The following XRCC4 variants were observed in gnomAD, a reference collection of about 807,000 sequenced individuals.
XRCC4 encodes DNA repair protein XRCC4.
A neutral mutation model predicts 39.1 loss-of-function variants in XRCC4; 28 were observed. The observed-to-expected ratio is 0.72, with a 90% CI of 0.53 to 0.98. The LOEUF (loss-of-function observed/expected upper bound fraction) is 0.98, where lower values mean the gene tolerates loss of function less well. Among genes scored for constraint, XRCC4 ranks in the 50% least tolerant of loss-of-function variants. The probability of loss-of-function intolerance (pLI) is 0.00; values close to 1 mark genes in which losing one functional copy is unlikely to be tolerated. For missense variants in XRCC4, 350 were observed against 376.4 expected (o/e 0.93, Z 0.58); for synonymous variants, 123 against 126.4 (o/e 0.97, Z 0.18).
At chr5:83,157,599 C>T (rs1258874242) in intron 3 of XRCC4, among the ~76,000 whole-genome samples, 1 of 151,882 alleles carries the variant, frequency 6.6e-6, no homozygotes, top group African/African-American at 2.4e-5. Flanking sequence ...AAGAGGCTTG[C>T]ATCAGTAAAG....
At chr5:83,363,387 G>A in the XRCC4 span, among the ~76,000 whole-genome samples, 2 of 152,204 alleles carry the variant, frequency 1.3e-5, no homozygotes, top group South Asian at 4.1e-4. Flanking sequence ...ATTTTAACCT[G>A]AATAAGCATC....
At chr5:83,368,842 G>T in the XRCC4 span, among the ~76,000 whole-genome samples, 1 of 152,152 alleles carries the variant, frequency 6.6e-6, no homozygotes, top group Admixed American at 6.5e-5. Context: ...GACAAGGCAG[G>T]CTGTGTTAGT....
chr5:83,167,623 A>G (rs1464773008), intron 3 of XRCC4, among the ~76,000 whole-genome samples: 1 of 152,090 alleles, frequency 6.6e-6, no homozygotes, highest in Non-Finnish European at 1.5e-5. Flanking sequence ...GAAATTAGGG[A>G]TGGGTTTGGT....
chr5:83,353,222 G>T lies in XRCC4; in HGVS notation c.985G>T (p.Asp329Tyr). 4 of 1,609,990 alleles carry T rather than the reference G, an allele frequency of 2.5e-6. No individual in the cohort carries two copies. The highest frequency in any genetic ancestry group is 3.4e-6 in the Non-Finnish European group (4 of 1,178,128). ...LETLRNSSPE[D>Y]LFDEI is the part of the protein sequence containing the mutation. ...AACTCTGAGAAACAGCAGCCCAGAA[G>T]ACCTCTTTGATGAGATTTAACAGTC... The change falls in exon 8 of 8, where the codon GAC (aspartate) becomes TAC (tyrosine). Residue 329 changes from aspartate (D) to tyrosine (Y), a missense_variant. Physicochemically the swap from Asp to Tyr is radical, Grantham distance 160 (BLOSUM62 -3). Coordinates refer to ENST00000396027, the MANE Select transcript of XRCC4 (RefSeq NM_003401.5).
chr5:83,101,799 G>A (rs1355043154), intron 1 of XRCC4, among the ~76,000 whole-genome samples: 1 of 152,086 alleles, frequency 6.6e-6, no homozygotes, highest in African/African-American at 2.4e-5. Context: ...TAATAAACAT[G>A]TTGGGTCACA....
chr5:83,146,327 A>G (rs541469807), intron 3 of XRCC4, among the ~76,000 whole-genome samples: 76 of 152,312 alleles, frequency 5.0e-4, no homozygotes, highest in Non-Finnish European at 2.9e-4. Flanking sequence ...TTCAAACTGA[A>G]TTGGAAAAGT....
At chr5:83,147,046 G>A (rs1402427653) in intron 3 of XRCC4, among the ~76,000 whole-genome samples, 1 of 152,196 alleles carries the variant, frequency 6.6e-6, no homozygotes, top group Admixed American at 6.5e-5. Flanking sequence ...CACTCGTTCT[G>A]TGGCCTTTGA....
intron 6 of XRCC4, among the ~76,000 whole-genome samples, chr5:83,254,494 A>G (rs1753452932): frequency 6.6e-6 from 1 of 152,154 alleles, no homozygotes; most frequent in South Asian, 2.1e-4. Flanking sequence ...ATACGAATTG[A>G]TTTTTTTAAC....
At chr5:83,105,367 C>T (rs1307701476) in intron 2 of XRCC4, among the ~76,000 whole-genome samples, 1 of 152,078 alleles carries the variant, frequency 6.6e-6, no homozygotes, top group Non-Finnish European at 1.5e-5. Flanking sequence ...TTTCTCAGGA[C>T]CCCAGGGAAG....
chr5:83,214,071 G>A (rs545617280), intron 6 of XRCC4, among the ~76,000 whole-genome samples: 1 of 152,150 alleles, frequency 6.6e-6, no homozygotes, highest in South Asian at 2.1e-4. Flanking sequence ...CCTAATAAAG[G>A]CATCTAGGCA....
intron 3 of XRCC4, among the ~76,000 whole-genome samples, chr5:83,113,627 T>TA (rs1561334976): frequency 6.6e-6 from 1 of 151,700 alleles, no homozygotes. Context: ...TTCTTTCTTT[T>TA]TTTTTTTTTT....
intron 6 of XRCC4, among the ~76,000 whole-genome samples, chr5:83,242,776 T>G (rs564829398): frequency 2.6e-5 from 4 of 152,206 alleles, no homozygotes; most frequent in Non-Finnish European, 5.9e-5. Flanking sequence ...TCCTTTGTAA[T>G]AGCTAGCACT....
intron 3 of XRCC4, among the ~76,000 whole-genome samples, chr5:83,131,295 T>A (rs529194362): frequency 1.1e-4 from 17 of 152,198 alleles, no homozygotes; most frequent in African/African-American, 4.1e-4. Flanking sequence ...AGTTTCTTAA[T>A]CCTGAGTTCT....
the XRCC4 span, among the ~76,000 whole-genome samples, chr5:83,372,063 G>C: frequency 6.6e-6 from 1 of 152,184 alleles, no homozygotes; most frequent in Non-Finnish European, 1.5e-5. Context: ...AAGGGAAACA[G>C]CTGGCACTGG....
intron 3 of XRCC4, among the ~76,000 whole-genome samples, chr5:83,151,625 T>C (rs974165080): frequency 2.0e-5 from 3 of 152,146 alleles, no homozygotes; most frequent in African/African-American, 7.2e-5. Flanking sequence ...CATAATATAA[T>C]AGCCATATTG....
At chr5:83,124,162 T>C (rs190586682) in intron 3 of XRCC4, among the ~76,000 whole-genome samples, 226 of 152,278 alleles carry the variant, frequency 1.5e-3, no homozygotes, top group African/African-American at 5.1e-3. Flanking sequence ...CATATAGTTA[T>C]GTGAATTTGG....
intron 6 of XRCC4, among the ~76,000 whole-genome samples, chr5:83,218,397 A>C (rs1464418162): frequency 2.6e-5 from 4 of 151,964 alleles, no homozygotes; most frequent in African/African-American, 4.8e-5. Flanking sequence ...TTCGACTTTC[A>C]TATGAATGAG....
intron 3 of XRCC4, among the ~76,000 whole-genome samples, chr5:83,160,798 A>T (rs1436602395): frequency 6.6e-6 from 1 of 152,038 alleles, no homozygotes; most frequent in East Asian, 1.9e-4. Context: ...GATAGTGCAG[A>T]CCTCTACCCA....
chr5:83,196,161 A>T (rs967973643), intron 4 of XRCC4, among the ~76,000 whole-genome samples: 1 of 152,146 alleles, frequency 6.6e-6, no homozygotes, highest in Admixed American at 6.5e-5. Flanking sequence ...TTTATAAACA[A>T]TAAGGATTAA....
Sources: gnomAD v4.1 joint callset for allele counts (sites outside exome capture counted in the v4.1 genomes callset) on GRCh38, gnomAD v4.1.1 for gene constraint, MANE v1.5 for transcripts, NCBI Gene and HGNC (gene_info 2026-07-23, HGNC 2026-07-21) for gene names.